The following TRAPPC9 variants were observed in gnomAD, a reference collection of about 807,000 sequenced individuals.
TRAPPC9 encodes the protein IKK2 binding protein.
In TRAPPC9, 83 loss-of-function variants were observed where a neutral mutation model predicts 124.0. The ratio of observed to expected loss-of-function variants is 0.67; its 90% CI spans 0.56 to 0.80. The LOEUF is 0.80. TRAPPC9 is among the 30% of genes least tolerant of loss of function. The pLI is 0.00. For synonymous variants in TRAPPC9, 638 were observed against 617.5 expected (o/e 1.03, Z -0.49); for missense variants, 1,302 against 1,508.3 (o/e 0.86, Z 2.27).
At chr8:140,420,796 A>G (rs936056187) in intron 5 of TRAPPC9, among the ~76,000 whole-genome samples, 1 of 152,148 alleles carries the variant, frequency 6.6e-6, no homozygotes, top group Non-Finnish European at 1.5e-5. Flanking sequence ...AAAAGCAAAA[A>G]CCCATCAAGT....
Position 140,291,873 on chromosome 8 carries a change from A to C in TRAPPC9, c.1769-795T>G, listed in dbSNP as rs184718585. Among the ~76,000 whole-genome samples the C allele has an allele frequency of 6.8e-4, 104 of 152,336 alleles. No individual in the cohort carries two copies. In the Middle Eastern group the frequency reaches 0.02, roughly 30 times the overall value. The stretch of plus-strand genomic sequence containing the variant: ...AAAGCAGCACCGGCAGACAGCTGGC[A>C]AGAGAACGGGGATCACAGGAAATGA... On this transcript the variant is annotated intron_variant, in intron 11 of 22. Transcript: ENST00000438773.
intron 19 of TRAPPC9, among the ~76,000 whole-genome samples, chr8:139,939,449 T>G (rs1185251358): frequency 6.6e-6 from 1 of 152,112 alleles, no homozygotes; most frequent in African/African-American, 2.4e-5. Context: ...GCACGCCGCA[T>G]GGGGCTAAAA....
intron 9 of TRAPPC9, 52 bp downstream of exon 9, chr8:140,359,998 G>GCT: frequency 6.2e-7 from 1 of 1,612,136 alleles, no homozygotes; most frequent in Non-Finnish European, 8.5e-7. Context: ...CATCTAAAGT[G>GCT]CTCTCATTCA....
At position 140,360,189 on chromosome 8, in the gene TRAPPC9, CG is replaced by C; in HGVS notation, c.1355del (p.Thr452SerfsTer56). The C allele has an allele frequency of 3.7e-6, 6 of 1,614,070 alleles. No individual in the cohort carries two copies. Among genetic ancestry groups the C allele is most frequent in the Non-Finnish European group, 5.1e-6 (6 of 1,180,006 alleles). On this transcript the variant is annotated frameshift_variant, in exon 9 of 23. Coordinates refer to ENST00000438773, the MANE Select transcript of TRAPPC9 (RefSeq NM_001160372.4). LOFTEE classifies it high-confidence loss of function. Reference sequence around the variant, plus strand: ...TCTGGACCGCAGCCCAGCCTCTGTGCGTGCCTGCGATGGAAGTTACAAAACA... The same window carrying C: ...TCTGGACCGCAGCCCAGCCTCTGTGCTGCCTGCGATGGAAGTTACAAAACA... ...SLDPKDFSRG[T>X]HRGWAAVQMR... is the part of the protein sequence containing the mutation.
rs1183434860 is a variant in TRAPPC9, at chr8:139,727,731, T to G, written c.*3330A>C. On this transcript the variant is annotated 3_prime_UTR_variant, in exon 23 of 23. Transcript: ENST00000438773. ...ACCATCTACAGGTCCGGACTTTGCT[T>G]GAATACTTCTATTGACAAAGAGCTC... 1.3e-5 allele frequency among the ~76,000 whole-genome samples: 2 copies of G among 152,184 alleles called. No homozygotes were observed. The highest frequency in any genetic ancestry group is 4.8e-5 in the African/African-American group (2 of 41,434).
chr8:139,818,052 T>A (rs1424734263), intron 21 of TRAPPC9, among the ~76,000 whole-genome samples: 1 of 152,222 alleles, frequency 6.6e-6, no homozygotes, highest in Non-Finnish European at 1.5e-5. Context: ...TACATGAGTG[T>A]AGGGCTTACT....
In TRAPPC9 at chr8:140,428,106, A is replaced by AC. The variant is rs531925960; in HGVS notation, c.860-1466dup. 6.4e-4 allele frequency among the ~76,000 whole-genome samples: 97 copies of AC among 152,280 alleles called. No individual in the cohort carries two copies. The East Asian group carries it at 0.016, about 25-fold the overall frequency. ...TTGAGGAAGTCTGGATTTCCAGATA[A>AC]CCTAGAAACGTTTTGTTCTGTGAAG... On this transcript the variant is annotated intron_variant, in intron 4 of 22. Transcript: ENST00000438773.
At chr8:140,258,972 G>A (rs536989110) in intron 15 of TRAPPC9, among the ~76,000 whole-genome samples, 4 of 152,166 alleles carry the variant, frequency 2.6e-5, no homozygotes, top group African/African-American at 9.7e-5. Context: ...TCTGAAACAC[G>A]GGCCCCAAGA....
chr8:140,432,833 C>T (rs1255266782), intron 4 of TRAPPC9, among the ~76,000 whole-genome samples: 3 of 151,486 alleles, frequency 2.0e-5, no homozygotes, highest in African/African-American at 7.3e-5. Flanking sequence ...GATCGCGCCA[C>T]TGCACTCCAG....
intron 19 of TRAPPC9, among the ~76,000 whole-genome samples, chr8:139,914,533 C>T (rs746196106): frequency 3.9e-5 from 6 of 152,166 alleles, no homozygotes; most frequent in Admixed American, 6.5e-5. Flanking sequence ...ATGCCCAGCT[C>T]GGCTTGGAGG....
intron 21 of TRAPPC9, among the ~76,000 whole-genome samples, chr8:139,802,903 T>C (rs963243654): frequency 6.6e-6 from 1 of 152,136 alleles, no homozygotes; most frequent in Non-Finnish European, 1.5e-5. Flanking sequence ...GTGCATGTTG[T>C]GTATGTCGGT....
intron 21 of TRAPPC9, among the ~76,000 whole-genome samples, chr8:139,852,812 A>G (rs1303063981): frequency 6.6e-6 from 1 of 152,100 alleles, no homozygotes; most frequent in Non-Finnish European, 1.5e-5. Flanking sequence ...TGACATGAAA[A>G]GGTAAGTTCA....
intron 21 of TRAPPC9, among the ~76,000 whole-genome samples, chr8:139,850,879 C>T (rs1827396883): frequency 6.6e-6 from 1 of 152,208 alleles, no homozygotes; most frequent in Non-Finnish European, 1.5e-5. Flanking sequence ...AGTCCTACCA[C>T]ACACCAAGAA....
intron 9 of TRAPPC9, among the ~76,000 whole-genome samples, chr8:140,314,522 C>T (rs2066393468): frequency 6.6e-6 from 1 of 152,156 alleles, no homozygotes; most frequent in Admixed American, 6.5e-5. Flanking sequence ...AGTCACCCAA[C>T]CGTGCATTAG....
intron 17 of TRAPPC9, chr8:140,040,061 T>A (rs1841165602): frequency 6.6e-6 from 1 of 152,030 alleles, no homozygotes; most frequent in African/African-American, 2.4e-5. Context: ...AGTCTACAAC[T>A]CCCTTAAGAA....
chr8:139,924,411 A>G (rs1832685154), intron 19 of TRAPPC9, among the ~76,000 whole-genome samples: 1 of 152,180 alleles, frequency 6.6e-6, no homozygotes, highest in African/African-American at 2.4e-5. Flanking sequence ...AAAATGCCAG[A>G]ACCTCCTTAG....
intron 11 of TRAPPC9, among the ~76,000 whole-genome samples, chr8:140,298,178 G>A (rs1383130856): frequency 6.6e-6 from 1 of 152,132 alleles, no homozygotes; most frequent in Non-Finnish European, 1.5e-5. Context: ...AAAGCACAAG[G>A]TTCTTTGAGT....
At chr8:140,155,085 C>A (rs951693522) in intron 17 of TRAPPC9, among the ~76,000 whole-genome samples, 3 of 152,208 alleles carry the variant, frequency 2.0e-5, no homozygotes, top group Non-Finnish European at 4.4e-5. Context: ...ATAAATATCT[C>A]ACGACTGGAA....
At chr8:139,842,697 A>C (rs928261694) in intron 21 of TRAPPC9, among the ~76,000 whole-genome samples, 39 of 152,186 alleles carry the variant, frequency 2.6e-4, no homozygotes, top group Admixed American at 8.5e-4. Context: ...TGGCACAGAG[A>C]AGTGTCCCTC....
Sources: gnomAD v4.1 joint callset for allele counts (sites outside exome capture counted in the v4.1 genomes callset) on GRCh38, gnomAD v4.1.1 for gene constraint, MANE v1.5 for transcripts, NCBI Gene and HGNC (gene_info 2026-07-23, HGNC 2026-07-21) for gene names.